HHAT: variants seen among roughly 807,000 people sequenced by gnomAD.
The protein encoded by HHAT is hedgehog acyltransferase.
A neutral mutation model predicts 70.8 loss-of-function variants in HHAT; 47 were observed. That is an observed-to-expected ratio of 0.66 (90% CI 0.53 to 0.85). The LOEUF (loss-of-function observed/expected upper bound fraction) is 0.85, where lower values mean the gene tolerates loss of function less well. HHAT is among the 40% of genes least tolerant of loss of function. The probability of loss-of-function intolerance (pLI) is 0.00; values close to 1 mark genes in which losing one functional copy is unlikely to be tolerated. For synonymous variants in HHAT, 228 were observed against 247.6 expected (o/e 0.92, Z 0.74); for missense variants, 609 against 604.8 (o/e 1.01, Z -0.07).
chr1:210,537,035 A>G (rs563166633), intron 9 of HHAT, among the ~76,000 whole-genome samples: 1 of 152,288 alleles, frequency 6.6e-6, no homozygotes, highest in South Asian at 2.1e-4. Flanking sequence ...GGTGTAAAAA[A>G]AAAAAGGTGG....
chr1:210,509,389 AC>A (rs2094916212), intron 8 of HHAT, among the ~76,000 whole-genome samples: 1 of 152,096 alleles, frequency 6.6e-6, no homozygotes, highest in Non-Finnish European at 1.5e-5. Context: ...TAATAACAAA[AC>A]TCAGGAAGTT....
At chr1:210,599,264 C>T (rs1009339115) in intron 10 of HHAT, among the ~76,000 whole-genome samples, 3 of 152,164 alleles carry the variant, frequency 2.0e-5, no homozygotes, top group Admixed American at 6.5e-5. Flanking sequence ...ACATTTTAAA[C>T]AGTGCAGCTC....
intron 5 of HHAT, 50 bp from the exon 6 acceptor site, chr1:210,404,414 G>T (rs1572190864): frequency 1.4e-6 from 2 of 1,431,782 alleles, no homozygotes; most frequent in African/African-American, 2.8e-5. Context: ...GGGACTGGAC[G>T]ATGTCCCTGC....
At chr1:210,406,740 G>A (rs760350236) in intron 6 of HHAT, among the ~76,000 whole-genome samples, 1 of 152,032 alleles carries the variant, frequency 6.6e-6, no homozygotes, top group Admixed American at 6.6e-5. Flanking sequence ...CCTCTAGCAG[G>A]GTCCTGTGTC....
intron 8 of HHAT, among the ~76,000 whole-genome samples, chr1:210,483,291 A>C (rs2094425756): frequency 6.6e-6 from 1 of 152,206 alleles, no homozygotes; most frequent in Non-Finnish European, 1.5e-5. Flanking sequence ...TTGCAAGACA[A>C]GCTAGAGAGC....
At chr1:210,381,189 G>A (rs1380780669) in intron 3 of HHAT, among the ~76,000 whole-genome samples, 2 of 151,942 alleles carry the variant, frequency 1.3e-5, no homozygotes, top group Non-Finnish European at 2.9e-5. Context: ...TTGATATGCT[G>A]TGATTGACTA....
chr1:210,340,983 A>C (rs113449526), intron 1 of HHAT, among the ~76,000 whole-genome samples: 4,346 of 152,284 alleles, frequency 0.029, 180 homozygotes, highest in African/African-American at 0.097. Flanking sequence ...TCTTGTGTTA[A>C]GTGAGGTTAT....
intron 2 of HHAT, among the ~76,000 whole-genome samples, chr1:210,354,771 G>A (rs1434939863): frequency 1.3e-5 from 2 of 152,126 alleles, no homozygotes; most frequent in African/African-American, 4.8e-5. Context: ...AGTATCTGGA[G>A]TAAGTTATTA....
rs561118200 is a variant in HHAT at position 210,371,146 on chromosome 1, C to CT, written c.159+8235dup. On this transcript the variant is annotated intron_variant, in intron 3 of 11. Coordinates refer to ENST00000261458, the MANE Select transcript of HHAT (RefSeq NM_018194.6). ...ACCTTCCATCACCAATCATGGGTTT[C>CT]TTTTTTTTCTTATTTATTTTTTTGA... is the stretch of plus-strand genomic sequence containing the variant. Among the ~76,000 whole-genome samples the CT allele has an allele frequency of 1.1e-3, 173 of 152,000 alleles. 2 individuals carry two copies. Among genetic ancestry groups the CT allele is most frequent in the East Asian group, 1.7e-3 (9 of 5,160 alleles).
intron 6 of HHAT, among the ~76,000 whole-genome samples, chr1:210,417,279 C>T (rs2092750788): frequency 6.6e-6 from 1 of 152,204 alleles, no homozygotes; most frequent in Admixed American, 6.5e-5. Context: ...GTCACCCAGG[C>T]TAGAGTACAG....
At chr1:210,606,178 T>C (rs79120063) in intron 10 of HHAT, among the ~76,000 whole-genome samples, 4,811 of 152,208 alleles carry the variant, frequency 0.032, 272 homozygotes, top group African/African-American at 0.11. Context: ...CATTTATGAA[T>C]TGTAACTATT....
At chr1:210,626,261 C>A (rs892841429) in intron 11 of HHAT, among the ~76,000 whole-genome samples, 3 of 152,184 alleles carry the variant, frequency 2.0e-5, no homozygotes, top group Non-Finnish European at 4.4e-5. Context: ...ATGGAGTTAA[C>A]CTCAGTCACA....
At position 210,485,281 on chromosome 1, in the gene HHAT, C is replaced by T. The variant is rs527972226; in HGVS notation, c.1007+20626C>T. The stretch of plus-strand genomic sequence containing the variant: ...GCTCCTCCTCCTAGGGTATGCAGCA[C>T]ACAGTGCTACAGTCTGATCACTCTG... On this transcript the variant is annotated intron_variant, in intron 8 of 11. Coordinates refer to ENST00000261458, the MANE Select transcript of HHAT (RefSeq NM_018194.6). 6.5e-3 allele frequency among the ~76,000 whole-genome samples: 985 copies of T among 152,300 alleles called. 11 individuals carry two copies. Among genetic ancestry groups the T allele is most frequent in the African/African-American group, 0.022 (926 of 41,568 alleles).
chr1:210,504,015 C>G (rs1440698720), intron 8 of HHAT, among the ~76,000 whole-genome samples: 2 of 152,136 alleles, frequency 1.3e-5, no homozygotes, highest in Admixed American at 1.3e-4. Context: ...AGAAAAACAT[C>G]AATCAATTGG....
At chr1:210,510,003 C>A (rs1028652698) in intron 8 of HHAT, among the ~76,000 whole-genome samples, 9 of 152,164 alleles carry the variant, frequency 5.9e-5, no homozygotes, top group African/African-American at 1.9e-4. Context: ...CTAAGATGTG[C>A]TTTGCAAAGG....
chr1:210,623,387 T>G (rs1669241153), intron 10 of HHAT, 139 bp from the exon 11 acceptor site: 10 of 926,148 alleles, frequency 1.1e-5, no homozygotes, highest in East Asian at 2.4e-5. Context: ...ATTGAAGTTT[T>G]GAGAGCTGTT....
intron 11 of HHAT, among the ~76,000 whole-genome samples, chr1:210,673,788 T>C (rs1309570026): frequency 7.2e-6 from 1 of 139,176 alleles, no homozygotes; most frequent in Non-Finnish European, 1.5e-5. Flanking sequence ...TTTATTTATT[T>C]ATTTATTTAT....
chr1:210,498,676 A>G (rs987467712), intron 8 of HHAT, among the ~76,000 whole-genome samples: 4 of 152,142 alleles, frequency 2.6e-5, no homozygotes, highest in East Asian at 3.8e-4. Context: ...AATTATAACT[A>G]GGAAAAACAA....
chr1:210,420,689 A>G (rs2092876446), intron 7 of HHAT, among the ~76,000 whole-genome samples: 1 of 152,040 alleles, frequency 6.6e-6, no homozygotes, highest in African/African-American at 2.4e-5. Flanking sequence ...AAAAAAAACA[A>G]AGAAATACAT....
Sources: allele counts gnomAD v4.1 joint callset (sites outside exome capture counted in the v4.1 genomes callset), GRCh38; gene constraint gnomAD v4.1.1; transcripts MANE v1.5; gene names NCBI Gene and HGNC (gene_info 2026-07-23, HGNC 2026-07-21).